Variants in SSBP2 observed in about 807,000 individuals in gnomAD.
SSBP2 encodes the protein single stranded DNA binding protein 2.
A neutral mutation model predicts 61.8 loss-of-function variants in SSBP2; 17 were observed. The observed-to-expected ratio is 0.28, with a 90% CI of 0.19 to 0.41. The LOEUF is 0.41. Ranked by LOEUF, SSBP2 falls within the 10% of genes least tolerant of loss-of-function variation. The probability of loss-of-function intolerance (pLI) is 1.00; values close to 1 mark genes in which losing one functional copy is unlikely to be tolerated. For synonymous variants in SSBP2, 139 were observed against 141.3 expected (o/e 0.98, Z 0.12); for missense variants, 310 against 458.7 (o/e 0.68, Z 2.96).
At chr5:81,656,970 C>T (rs887702211) in intron 1 of SSBP2, among the ~76,000 whole-genome samples, 1 of 152,036 alleles carries the variant, frequency 6.6e-6, no homozygotes. Context: ...ATTGTATGTA[C>T]ATACAAGCAC....
chr5:81,540,479 T>C (rs1029499765), intron 4 of SSBP2, among the ~76,000 whole-genome samples: 37 of 152,386 alleles, frequency 2.4e-4, no homozygotes, highest in Middle Eastern at 3.4e-3. Flanking sequence ...TGATTTGCAT[T>C]TCTCTGATGG....
intron 9 of SSBP2, among the ~76,000 whole-genome samples, chr5:81,462,711 A>C (rs553297303): frequency 3.5e-4 from 54 of 152,318 alleles, no homozygotes; most frequent in African/African-American, 1.2e-3. Flanking sequence ...ATATGTGTTG[A>C]CCAAGTAAAA....
chr5:81,500,037 T>C (rs1397605543), intron 5 of SSBP2, among the ~76,000 whole-genome samples: 1 of 152,240 alleles, frequency 6.6e-6, no homozygotes, highest in Admixed American at 6.5e-5. Context: ...AACTGGCCTA[T>C]GGGCTTGATC....
chr5:81,630,182 T>C (rs1377509287), intron 3 of SSBP2, among the ~76,000 whole-genome samples: 1 of 152,198 alleles, frequency 6.6e-6, no homozygotes, highest in Non-Finnish European at 1.5e-5. Context: ...ATCCTAATCA[T>C]GTAGACCTCA....
chr5:81,733,299 T>C (rs1756384719), intron 1 of SSBP2, among the ~76,000 whole-genome samples: 1 of 152,060 alleles, frequency 6.6e-6, no homozygotes, highest in Non-Finnish European at 1.5e-5. Context: ...AGAGAACTAA[T>C]CATACAGTAA....
intron 1 of SSBP2, among the ~76,000 whole-genome samples, chr5:81,673,626 A>G (rs577818258): frequency 2.6e-5 from 4 of 152,320 alleles, no homozygotes; most frequent in African/African-American, 2.4e-5. Context: ...TAATAGTCCT[A>G]CAAAGATGAG....
At chr5:81,548,374 G>A (rs981824352) in intron 4 of SSBP2, among the ~76,000 whole-genome samples, 4 of 152,038 alleles carry the variant, frequency 2.6e-5, no homozygotes, top group Admixed American at 1.3e-4. Context: ...GGGGTATATG[G>A]GAAACCTCTG....
At chr5:81,507,634 A>C (rs181880142) in intron 5 of SSBP2, among the ~76,000 whole-genome samples, 7 of 152,246 alleles carry the variant, frequency 4.6e-5, no homozygotes, top group Non-Finnish European at 7.4e-5. Context: ...TGGTTATTAG[A>C]GTGATAAGGA....
intron 4 of SSBP2, among the ~76,000 whole-genome samples, chr5:81,536,318 TTTTTAAC>T (rs2154112250): frequency 6.6e-6 from 1 of 152,286 alleles, no homozygotes; most frequent in African/African-American, 2.4e-5. Flanking sequence ...GTAACTTCTT[TTTTTAAC>T]TTTTATTTTA....
intron 4 of SSBP2, among the ~76,000 whole-genome samples, chr5:81,584,949 T>G (rs1210803638): frequency 6.6e-6 from 1 of 152,018 alleles, no homozygotes; most frequent in Non-Finnish European, 1.5e-5. Flanking sequence ...TCATAACAAC[T>G]CTATGAGTTA....
upstream of SSBP2, chr5:81,751,163 A>G: frequency 9.6e-7 from 1 of 1,046,272 alleles, no homozygotes; most frequent in South Asian, 1.4e-5. Context: ...GCCCCACGCC[A>G]AAGCTCCGCC....
intron 1 of SSBP2, among the ~76,000 whole-genome samples, chr5:81,686,714 G>T (rs986162575): frequency 1.5e-4 from 23 of 151,982 alleles, no homozygotes; most frequent in African/African-American, 5.5e-4. Flanking sequence ...AATTAGCCGG[G>T]TGTGGTGGCA....
chr5:81,740,484 C>A (rs187800266), intron 1 of SSBP2, among the ~76,000 whole-genome samples: 1 of 152,088 alleles, frequency 6.6e-6, no homozygotes, highest in East Asian at 1.9e-4. Context: ...TTTCTAATAG[C>A]CAGTATTACA....
chr5:81,567,367 A>C (rs1310002325), intron 4 of SSBP2, among the ~76,000 whole-genome samples: 1 of 152,222 alleles, frequency 6.6e-6, no homozygotes, highest in East Asian at 1.9e-4. Context: ...TGCAAGCCCC[A>C]AGCCTTGGCA....
chr5:81,728,572 A>G (rs1490536124), intron 1 of SSBP2, among the ~76,000 whole-genome samples: 1 of 152,218 alleles, frequency 6.6e-6, no homozygotes, highest in East Asian at 1.9e-4. Flanking sequence ...CTTTACTAAA[A>G]TGGATATAAT....
chr5:81,733,004 A>C (rs958029975), intron 1 of SSBP2, among the ~76,000 whole-genome samples: 3 of 152,256 alleles, frequency 2.0e-5, no homozygotes, highest in Non-Finnish European at 4.4e-5. Flanking sequence ...GGAAGGAAAG[A>C]GGTCTTAGAA....
Position 81,420,599 on chromosome 5 carries a change from G to A in SSBP2, c.1057-66C>T, listed in dbSNP as rs1165982251. The A allele has an allele frequency of 6.0e-6, 8 of 1,324,138 alleles. No individual in the cohort carries two copies. In the East Asian group the frequency reaches 6.9e-5, roughly 12 times the overall value. 82.0% of individuals were successfully genotyped at this position (1,324,138 alleles called of 1,614,324 possible). On this transcript the variant is annotated intron_variant, in intron 16 of 16. Coordinates refer to ENST00000320672, the MANE Select transcript of SSBP2 (RefSeq NM_012446.5). The stretch of plus-strand genomic sequence containing the variant: ...TTAGAGATCACTAAGGTTCTTCTTG[G>A]TACAACAGAAACGATGAATTCTAAT...
chr5:81,519,979 T>C (rs112929524), intron 4 of SSBP2, among the ~76,000 whole-genome samples: 12 of 151,958 alleles, frequency 7.9e-5, no homozygotes, highest in Non-Finnish European at 1.2e-4. Flanking sequence ...TAGTAGCTAT[T>C]TTCCCCCCTC....
chr5:81,524,688 A>C (rs891685602), intron 4 of SSBP2, among the ~76,000 whole-genome samples: 11 of 152,062 alleles, frequency 7.2e-5, no homozygotes, highest in African/African-American at 2.4e-4. Flanking sequence ...CATGTTTTAC[A>C]AAGCTAAGTG....
Sources: gnomAD v4.1 joint callset for allele counts (sites outside exome capture counted in the v4.1 genomes callset) on GRCh38, gnomAD v4.1.1 for gene constraint, MANE v1.5 for transcripts, NCBI Gene and HGNC (gene_info 2026-07-23, HGNC 2026-07-21) for gene names.